The following TNFSF8 variants were observed in gnomAD, a reference collection of about 807,000 sequenced individuals.
The protein encoded by TNFSF8 is tumor necrosis factor ligand superfamily member 8.
Under a neutral mutation model 22.0 loss-of-function variants are expected in TNFSF8, and 4 were observed. The ratio of observed to expected loss-of-function variants is 0.18; its 90% CI spans 0.09 to 0.42. The LOEUF (loss-of-function observed/expected upper bound fraction) is 0.42, where lower values mean the gene tolerates loss of function less well. Among genes scored for constraint, TNFSF8 ranks in the 10% least tolerant of loss-of-function variants. TNFSF8 has a pLI of 1.00. For synonymous variants in TNFSF8, 106 were observed against 112.5 expected (o/e 0.94, Z 0.37); for missense variants, 233 against 281.8 (o/e 0.83, Z 1.24).
chr9:114,904,273 G>A lies in TNFSF8; in HGVS notation c.363C>T (p.Leu121=), dbSNP rs745973177. 1.2e-6 allele frequency: 2 copies of A among 1,613,768 alleles called. No homozygotes were observed. Among genetic ancestry groups the A allele is most frequent in the Non-Finnish European group, 1.7e-6 (2 of 1,179,820 alleles). ...TCCCATCCTGATATCTGACTCCATGGAGAATGCCATCTTTGTTCCAAGACA... is the reference window on the plus strand; with the variant it reads ...TCCCATCCTGATATCTGACTCCATGAAGAATGCCATCTTTGTTCCAAGACA... ...TKLSWNKDGI[L]HGVRYQDGNL... The change falls in exon 4 of 4, where the codon CTC becomes CTT. Residue 121 remains leucine, a synonymous_variant. Transcript: ENST00000223795.
At chr9:114,901,056 G>A (rs1036671478), downstream of TNFSF8, 1 of 984,766 alleles carries the variant, frequency 1.0e-6, no homozygotes, top group Non-Finnish European at 1.2e-6. Flanking sequence ...TGTGTGTGTG[G>A]TGGGGAGGTG....
rs142130836 is a variant in TNFSF8 at position 114,894,786 on chromosome 9, T to C, written c.410-622A>G. 2.6e-5 allele frequency among the ~76,000 whole-genome samples: 4 copies of C among 152,300 alleles called. No homozygotes were observed. In the East Asian group the frequency reaches 7.7e-4, roughly 29 times the overall value. On this transcript the variant is annotated intron_variant, in intron 4 of 4. Transcript: ENST00000618336. ...GGTTTAAGTAAACACATCAAAGTAA[T>C]GAATGAGGAGGATGAAAAGACCAGA...
chr9:114,898,174 TTG>T, downstream of TNFSF8, among the ~76,000 whole-genome samples: 1 of 100,224 alleles, frequency 1.0e-5, no homozygotes, highest in African/African-American at 5.8e-5. Context: ...AGCTAATTTT[TTG>T]TATTTTTAGT....
intron 4 of TNFSF8, among the ~76,000 whole-genome samples, chr9:114,894,812 T>G (rs1190180690): frequency 6.6e-6 from 1 of 152,188 alleles, no homozygotes; most frequent in Non-Finnish European, 1.5e-5. Flanking sequence ...AAAGACCAGA[T>G]GCAATTGAGG....
chr9:114,903,989 G>A lies in TNFSF8; in HGVS notation c.647C>T (p.Thr216Ile), dbSNP rs1166352388. Residue 216 changes from threonine (T) to isoleucine (I), a missense_variant, in exon 4 of 4, where the codon ACA becomes ATA. Thr to Ile is a moderately conservative substitution (Grantham distance 89). Coordinates refer to ENST00000223795, the MANE Select transcript of TNFSF8 (RefSeq NM_001244.4). ...CACATTCTCAAGAGGAAAGGTGCTT[G>A]TATCTATGTACTGGAATGTATCCAC... The part of the protein sequence containing the change: ...VNVDTFQYID[T>I]STFPLENVLS... 1 of 1,614,094 alleles carries A rather than the reference G, an allele frequency of 6.2e-7. No homozygotes were observed. The highest frequency in any genetic ancestry group is 8.5e-7 in the Non-Finnish European group (1 of 1,179,962).
intron 1 of TNFSF8, among the ~76,000 whole-genome samples, chr9:114,921,179 G>A (rs1827983381): frequency 1.3e-5 from 2 of 152,132 alleles, no homozygotes; most frequent in African/African-American, 4.8e-5. Context: ...TCTCAAACAG[G>A]AAAGAAACCT....
rs1271170718 is a variant in TNFSF8, at chr9:114,902,062, A to G, written c.*1869T>C. On this transcript the variant is annotated 3_prime_UTR_variant, in exon 4 of 4. Coordinates refer to ENST00000223795, the MANE Select transcript of TNFSF8 (RefSeq NM_001244.4). ...AGCAGGGAAGCTTCCATCTTTTTTTACTGAAGCATAACATCAGGGCCTACA... is the reference window on the plus strand; with the variant it reads ...AGCAGGGAAGCTTCCATCTTTTTTTGCTGAAGCATAACATCAGGGCCTACA... 3 of 985,108 alleles carry G rather than the reference A, an allele frequency of 3.0e-6. No individual in the cohort carries two copies. In the South Asian group the frequency reaches 1.4e-4, roughly 46 times the overall value. The allele number at this position is 985,108 out of a possible 1,614,324, so 61.0% of individuals were successfully genotyped here.
intron 1 of TNFSF8, among the ~76,000 whole-genome samples, chr9:114,918,920 A>G (rs990709730): frequency 6.6e-6 from 1 of 151,800 alleles, no homozygotes; most frequent in African/African-American, 2.4e-5. Context: ...TCAACTCCCA[A>G]TCTGGTGCTT....
intron 1 of TNFSF8, among the ~76,000 whole-genome samples, chr9:114,928,197 A>T (rs1377469986): frequency 6.6e-6 from 1 of 152,202 alleles, no homozygotes; most frequent in Non-Finnish European, 1.5e-5. Flanking sequence ...GGGTAAGTCA[A>T]GGAAGTGGAT....
intron 2 of TNFSF8, among the ~76,000 whole-genome samples, chr9:114,910,412 A>G (rs1007226061): frequency 6.6e-6 from 1 of 152,208 alleles, no homozygotes; most frequent in Non-Finnish European, 1.5e-5. Context: ...CAGAGAGACT[A>G]GGGTCTGGCC....
downstream of TNFSF8, among the ~76,000 whole-genome samples, chr9:114,896,299 A>G (rs1827654752): frequency 6.6e-6 from 1 of 152,240 alleles, no homozygotes; most frequent in Non-Finnish European, 1.5e-5. Context: ...AGGACATAAC[A>G]GCAAAGATTT....
At chr9:114,893,698 G>A (rs1177310093) in exon 5 of TNFSF8, 1 of 181,166 alleles carries the variant, frequency 5.5e-6, no homozygotes, top group African/African-American at 2.4e-5. Context: ...ACCAATAATG[G>A]GCTGTTGCAT....
intron 1 of TNFSF8, among the ~76,000 whole-genome samples, chr9:114,921,977 A>G (rs1372501834): frequency 6.6e-6 from 1 of 152,202 alleles, no homozygotes; most frequent in Admixed American, 6.5e-5. Flanking sequence ...GTTTGTCTCC[A>G]GGTAAAATGA....
chr9:114,904,394 C>G (rs933664295), intron 3 of TNFSF8, 69 bp from the exon 4 acceptor site: 8 of 1,523,528 alleles, frequency 5.3e-6, no homozygotes, highest in Non-Finnish European at 6.1e-6. Context: ...AATTCTAAGT[C>G]TTTGTTCAAA....
chr9:114,923,696 T>C (rs1339942605), intron 1 of TNFSF8, among the ~76,000 whole-genome samples: 1 of 152,056 alleles, frequency 6.6e-6, no homozygotes, highest in Non-Finnish European at 1.5e-5. Context: ...TTTAGTATTT[T>C]TTGTAGAGAC....
At chr9:114,899,804 C>T (rs931591561), downstream of TNFSF8, among the ~76,000 whole-genome samples, 1 of 152,148 alleles carries the variant, frequency 6.6e-6, no homozygotes, top group Non-Finnish European at 1.5e-5. Flanking sequence ...ATTCAGATTC[C>T]AGAGACTAAG....
At chr9:114,898,282 C>G (rs4979471), downstream of TNFSF8, among the ~76,000 whole-genome samples, 85,106 of 152,078 alleles carry the variant, frequency 0.56, 25,476 homozygotes, top group African/African-American at 0.77. Context: ...GATTACAGGC[C>G]TGAGCCACCG....
Position 114,903,903 on chromosome 9 carries a change from T to C in TNFSF8, c.*28A>G, listed in dbSNP as rs1359438028. 6.3e-7 allele frequency: 1 copy of C among 1,581,300 alleles called. No homozygotes were observed. Among genetic ancestry groups the C allele is most frequent in the Admixed American group, 1.8e-5 (1 of 55,646 alleles). ...GAAATACTGTATGGTAGAGAGGCGCTTTCTTCCTGAAGGCCAAGAGAAACT... is the reference window on the plus strand; with the variant it reads ...GAAATACTGTATGGTAGAGAGGCGCCTTCTTCCTGAAGGCCAAGAGAAACT... On this transcript the variant is annotated 3_prime_UTR_variant, in exon 4 of 4. Transcript: ENST00000223795.
chr9:114,898,244 C>G (rs62578677), downstream of TNFSF8, among the ~76,000 whole-genome samples: 1 of 152,084 alleles, frequency 6.6e-6, no homozygotes, highest in African/African-American at 2.4e-5. Flanking sequence ...TCTCATGATC[C>G]GCCCGCCTCG....
Sources: allele counts gnomAD v4.1 joint callset (sites outside exome capture counted in the v4.1 genomes callset), GRCh38; gene constraint gnomAD v4.1.1; transcripts MANE v1.5; gene names NCBI Gene and HGNC (gene_info 2026-07-23, HGNC 2026-07-21).